Variants in MAPKAP1 observed in about 807,000 individuals in gnomAD.
The protein encoded by MAPKAP1 is target of rapamycin complex 2 subunit MAPKAP1.
Under a neutral mutation model 65.7 loss-of-function variants are expected in MAPKAP1, and 20 were observed. That is an observed-to-expected ratio of 0.30 (90% CI 0.21 to 0.44). The LOEUF (loss-of-function observed/expected upper bound fraction) is 0.44. Among genes scored for constraint, MAPKAP1 ranks in the 20% least tolerant of loss-of-function variants. The pLI is 1.00. For synonymous variants in MAPKAP1, 222 were observed against 244.3 expected, an observed-to-expected ratio of 0.91 and a Z score of 0.85; for missense variants, 423 against 648.0, an observed-to-expected ratio of 0.65 and a Z score of 3.77.
chr9:125,654,257 A>G (rs911901904), intron 4 of MAPKAP1, among the ~76,000 whole-genome samples: 2 of 152,162 alleles, frequency 1.3e-5, no homozygotes, highest in African/African-American at 4.8e-5. Flanking sequence ...AAGTTTTCCA[A>G]TTGTCTCAAC....
chr9:125,514,088 T>C (rs1295842010), intron 7 of MAPKAP1, among the ~76,000 whole-genome samples: 1 of 152,186 alleles, frequency 6.6e-6, no homozygotes, highest in East Asian at 1.9e-4. Context: ...CCTTGGCTTC[T>C]TCCACAATGA....
At chr9:125,445,447 C>G (rs1328038252) in intron 10 of MAPKAP1, among the ~76,000 whole-genome samples, 3 of 152,262 alleles carry the variant, frequency 2.0e-5, no homozygotes, top group African/African-American at 7.2e-5. Flanking sequence ...TTTGCTGATC[C>G]TGGGTGGCTC....
intron 9 of MAPKAP1, among the ~76,000 whole-genome samples, chr9:125,480,453 C>T (rs543195344): frequency 1.4e-4 from 21 of 152,246 alleles, no homozygotes; most frequent in South Asian, 8.3e-4. Flanking sequence ...AGCCTCCAGT[C>T]GCCTCACTTC....
chr9:125,695,183 T>A (rs1228757024), intron 1 of MAPKAP1, among the ~76,000 whole-genome samples: 1 of 152,214 alleles, frequency 6.6e-6, no homozygotes, highest in Non-Finnish European at 1.5e-5. Flanking sequence ...GTAAACTGTT[T>A]CTCAGGTAAA....
intron 1 of MAPKAP1, among the ~76,000 whole-genome samples, chr9:125,678,715 TG>T (rs1353022751): frequency 2.0e-5 from 3 of 152,198 alleles, no homozygotes; most frequent in African/African-American, 4.8e-5. Flanking sequence ...AACCTGCCTG[TG>T]GTAACTAGGA....
intron 4 of MAPKAP1, among the ~76,000 whole-genome samples, chr9:125,589,956 G>A (rs1253330831): frequency 6.6e-6 from 1 of 152,192 alleles, no homozygotes; most frequent in Admixed American, 6.5e-5. Flanking sequence ...TAAATAACAA[G>A]TGTTTTGGCC....
chr9:125,622,594 C>CTG (rs1245452866), intron 4 of MAPKAP1, among the ~76,000 whole-genome samples: 2 of 151,936 alleles, frequency 1.3e-5, no homozygotes, highest in African/African-American at 4.8e-5. Flanking sequence ...TGCAGGCGGG[C>CTG]ACCACCATGC....
At chr9:125,673,453 C>T (rs1445091796) in intron 1 of MAPKAP1, among the ~76,000 whole-genome samples, 2 of 152,072 alleles carry the variant, frequency 1.3e-5, no homozygotes, top group Admixed American at 6.6e-5. Context: ...CTCAAACTCC[C>T]GACCTCAGTT....
intron 4 of MAPKAP1, among the ~76,000 whole-genome samples, chr9:125,592,095 T>C (rs1831982819): frequency 6.6e-6 from 1 of 152,220 alleles, no homozygotes. Flanking sequence ...AACATGATGC[T>C]GGGCTCCGAA....
At chr9:125,470,825 AT>A (rs549564645) in intron 9 of MAPKAP1, among the ~76,000 whole-genome samples, 6 of 150,538 alleles carry the variant, frequency 4.0e-5, no homozygotes, top group East Asian at 1.9e-4. Flanking sequence ...TGTGAATCAG[AT>A]TTTTTTTTTC....
chr9:125,701,052 G>C (rs572446830), intron 1 of MAPKAP1, among the ~76,000 whole-genome samples: 15 of 152,116 alleles, frequency 9.9e-5, no homozygotes, highest in African/African-American at 3.6e-4. Context: ...AGAGAGGAGG[G>C]GCAGCATTTT....
At chr9:125,562,156 A>C (rs1448838907) in intron 5 of MAPKAP1, among the ~76,000 whole-genome samples, 1 of 152,226 alleles carries the variant, frequency 6.6e-6, no homozygotes, top group Non-Finnish European at 1.5e-5. Context: ...AAAGCAGAAA[A>C]GTCCAACAAT....
intron 4 of MAPKAP1, among the ~76,000 whole-genome samples, chr9:125,594,781 G>T (rs1414195146): frequency 2.6e-5 from 4 of 152,082 alleles, no homozygotes; most frequent in Non-Finnish European, 4.4e-5. Context: ...TTAGAGCCTA[G>T]AACACAGCAG....
chr9:125,656,137 G>A (rs1834025934), intron 4 of MAPKAP1, among the ~76,000 whole-genome samples: 1 of 152,186 alleles, frequency 6.6e-6, no homozygotes, highest in African/African-American at 2.4e-5. Context: ...CAAACAATGA[G>A]ATGGTATCAG....
intron 4 of MAPKAP1, among the ~76,000 whole-genome samples, chr9:125,639,711 C>T (rs185701566): frequency 9.9e-5 from 15 of 152,172 alleles, no homozygotes; most frequent in South Asian, 8.3e-4. Context: ...GAAGAGGTGA[C>T]GTCTGAGTTG....
intron 4 of MAPKAP1, among the ~76,000 whole-genome samples, chr9:125,644,298 A>G (rs1437638971): frequency 2.0e-5 from 3 of 152,202 alleles, no homozygotes; most frequent in Non-Finnish European, 4.4e-5. Context: ...GGGGTGCATA[A>G]TAAGGGTTCA....
At chr9:125,541,140 G>A (rs1351269272) in intron 7 of MAPKAP1, among the ~76,000 whole-genome samples, 4 of 152,188 alleles carry the variant, frequency 2.6e-5, no homozygotes, top group South Asian at 2.1e-4. Context: ...TTCAGATAAC[G>A]AGTCCTAACT....
At chr9:125,551,456 C>G (rs2133193155) in intron 6 of MAPKAP1, among the ~76,000 whole-genome samples, 1 of 152,246 alleles carries the variant, frequency 6.6e-6, no homozygotes, top group Non-Finnish European at 1.5e-5. Context: ...CCCAAGGCAG[C>G]CCAGCTTCTG....
intron 1 of MAPKAP1, among the ~76,000 whole-genome samples, chr9:125,702,239 T>C (rs750947554): frequency 6.6e-6 from 1 of 151,910 alleles, no homozygotes; most frequent in Non-Finnish European, 1.5e-5. Flanking sequence ...TCTACAAAAT[T>C]TTTTTAAAAA....
Sources: allele counts gnomAD v4.1 joint callset (sites outside exome capture counted in the v4.1 genomes callset), GRCh38; gene constraint gnomAD v4.1.1; transcripts MANE v1.5; gene names NCBI Gene and HGNC (gene_info 2026-07-23, HGNC 2026-07-21).